The following PALM2AKAP2 variants were observed in gnomAD, a reference collection of about 807,000 sequenced individuals.
The protein encoded by PALM2AKAP2 is PALM2 and AKAP2 fusion.
A neutral mutation model predicts 71.5 loss-of-function variants in PALM2AKAP2; 37 were observed. That is an observed-to-expected ratio of 0.52 (90% CI 0.40 to 0.68). PALM2AKAP2 has a LOEUF of 0.68. Among genes scored for constraint, PALM2AKAP2 ranks in the 30% least tolerant of loss-of-function variants. PALM2AKAP2 has a pLI of 0.00. For synonymous variants in PALM2AKAP2, 468 were observed against 478.8 expected (o/e 0.98, Z 0.29); for missense variants, 1,224 against 1,191.8 (o/e 1.03, Z -0.40).
chr9:109,824,349 C>T (rs1217019385), intron 1 of PALM2AKAP2, among the ~76,000 whole-genome samples: 2 of 152,192 alleles, frequency 1.3e-5, no homozygotes, highest in Non-Finnish European at 2.9e-5. Context: ...TCTTTCTCAC[C>T]TCCTTCACTT....
chr9:110,058,656 C>G (rs568558803), intron 1 of PALM2AKAP2, among the ~76,000 whole-genome samples: 281 of 152,262 alleles, frequency 1.8e-3, no homozygotes, highest in Non-Finnish European at 3.4e-3. Flanking sequence ...GTTTCTTACT[C>G]AACTCCTTCA....
At chr9:110,140,772 G>A (rs780554643) in intron 2 of PALM2AKAP2, among the ~76,000 whole-genome samples, 21 of 151,982 alleles carry the variant, frequency 1.4e-4, no homozygotes, top group Admixed American at 3.9e-4. Flanking sequence ...CCACTGCCAC[G>A]ACCCTTCACC....
chr9:110,042,943 T>G (rs1833532761), intron 7 of PALM2AKAP2, among the ~76,000 whole-genome samples: 1 of 152,228 alleles, frequency 6.6e-6, no homozygotes, highest in Non-Finnish European at 1.5e-5. Context: ...AAATGTACAA[T>G]TAAATTATTT....
chr9:110,139,100 A>G (rs907893935), intron 2 of PALM2AKAP2, among the ~76,000 whole-genome samples: 1 of 152,234 alleles, frequency 6.6e-6, no homozygotes. Context: ...AAGTCACCAC[A>G]AAGCAACTAC....
intron 1 of PALM2AKAP2, among the ~76,000 whole-genome samples, chr9:109,723,598 G>T (rs928654963): frequency 6.6e-6 from 1 of 152,210 alleles, no homozygotes; most frequent in Non-Finnish European, 1.5e-5. Context: ...TACTGTCCTT[G>T]ACATGAGTCA....
intron 1 of PALM2AKAP2, among the ~76,000 whole-genome samples, chr9:109,835,888 G>C (rs10980076): frequency 6.6e-6 from 1 of 152,126 alleles, no homozygotes; most frequent in Non-Finnish European, 1.5e-5. Flanking sequence ...CGGGAAGCTC[G>C]AACTGGGTGG....
chr9:110,052,806 A>G (rs935173735), intron 1 of PALM2AKAP2, among the ~76,000 whole-genome samples: 9 of 152,182 alleles, frequency 5.9e-5, no homozygotes, highest in Non-Finnish European at 8.8e-5. Flanking sequence ...TGGTGGTCTC[A>G]GCATATTAGC....
intron 2 of PALM2AKAP2, among the ~76,000 whole-genome samples, chr9:110,141,561 C>T (rs185492165): frequency 2.6e-5 from 4 of 152,290 alleles, no homozygotes; most frequent in Non-Finnish European, 4.4e-5. Context: ...AGTTCATGAT[C>T]GGGGAGAAGG....
chr9:109,640,943 C>G (rs372773515), intron 1 of PALM2AKAP2: 15 of 1,450,144 alleles, frequency 1.0e-5, no homozygotes, highest in African/African-American at 8.8e-5. Flanking sequence ...GCAGGCAGAT[C>G]CCGCTCGGGT....
At chr9:109,815,673 C>G (rs1827833888) in intron 1 of PALM2AKAP2, among the ~76,000 whole-genome samples, 1 of 152,142 alleles carries the variant, frequency 6.6e-6, no homozygotes, top group Non-Finnish European at 1.5e-5. Flanking sequence ...TAACTGGTGG[C>G]CCTCACAAGA....
upstream of PALM2AKAP2, among the ~76,000 whole-genome samples, chr9:110,046,992 A>G (rs1176518546): frequency 6.6e-6 from 1 of 152,204 alleles, no homozygotes; most frequent in Admixed American, 6.5e-5. Context: ...TTTTCACATG[A>G]TATTAAAATG....
intron 1 of PALM2AKAP2, among the ~76,000 whole-genome samples, chr9:109,834,874 G>A (rs76088016): frequency 0.014 from 2,091 of 152,260 alleles, 39 homozygotes; most frequent in African/African-American, 0.048. Flanking sequence ...GCAGCATCCA[G>A]CTTCTCACCC....
chr9:109,811,515 T>C (rs2131443968), intron 1 of PALM2AKAP2, among the ~76,000 whole-genome samples: 1 of 152,328 alleles, frequency 6.6e-6, no homozygotes, highest in South Asian at 2.1e-4. Context: ...TTTTATATGT[T>C]AAATATCCTA....
chr9:110,034,464 G>A lies in PALM2AKAP2; in HGVS notation c.582+18425G>A, dbSNP rs150608097. Among the ~76,000 whole-genome samples, 207 of 151,988 alleles carry A rather than the reference G, an allele frequency of 1.4e-3. 1 individual carries two copies. The highest frequency in any genetic ancestry group is 4.9e-3 in the African/African-American group (202 of 41,462). ...TGAACCACCACACCCAGCCTCTTTTGCATGTTTCTTGGGGAATGCAGAGCC... is the reference window on the plus strand; with the variant it reads ...TGAACCACCACACCCAGCCTCTTTTACATGTTTCTTGGGGAATGCAGAGCC... On this transcript the variant is annotated intron_variant, in intron 7 of 9. Coordinates refer to the PALM2AKAP2 transcript ENST00000302798.
chr9:109,832,710 G>C (rs1460397174), intron 1 of PALM2AKAP2, among the ~76,000 whole-genome samples: 1 of 152,148 alleles, frequency 6.6e-6, no homozygotes, highest in Non-Finnish European at 1.5e-5. Flanking sequence ...TAGTGCCAAA[G>C]AACATTATCA....
At chr9:109,691,072 C>G (rs1000283391) in intron 1 of PALM2AKAP2, among the ~76,000 whole-genome samples, 21 of 152,082 alleles carry the variant, frequency 1.4e-4, no homozygotes, top group African/African-American at 4.8e-4. Flanking sequence ...GGCACTAAAT[C>G]AGAGGAGGCT....
At chr9:109,709,016 A>T (rs1256461637) in intron 1 of PALM2AKAP2, among the ~76,000 whole-genome samples, 3 of 152,148 alleles carry the variant, frequency 2.0e-5, no homozygotes, top group African/African-American at 7.2e-5. Flanking sequence ...GTCAGCAGGG[A>T]TGGGGCCAGC....
At chr9:110,085,125 T>C (rs1834539343) in intron 1 of PALM2AKAP2, among the ~76,000 whole-genome samples, 1 of 152,206 alleles carries the variant, frequency 6.6e-6, no homozygotes, top group Non-Finnish European at 1.5e-5. Flanking sequence ...GAGGGCCAAT[T>C]GTACTTACTC....
chr9:109,816,940 C>T (rs1247508025), intron 1 of PALM2AKAP2, among the ~76,000 whole-genome samples: 1 of 152,166 alleles, frequency 6.6e-6, no homozygotes, highest in Non-Finnish European at 1.5e-5. Flanking sequence ...ACCAGTTTGT[C>T]TGGAGGCGGT....
Sources: gnomAD v4.1 joint callset for allele counts (sites outside exome capture counted in the v4.1 genomes callset) on GRCh38, gnomAD v4.1.1 for gene constraint, MANE v1.5 for transcripts, NCBI Gene and HGNC (gene_info 2026-07-23, HGNC 2026-07-21) for gene names.